Variants in BPTF observed in about 807,000 individuals in gnomAD.
BPTF encodes bromodomain PHD finger transcription factor.
BPTF carries 18 observed loss-of-function variants against 292.5 expected under a neutral mutation model. That is an observed-to-expected ratio of 0.06 (90% CI 0.04 to 0.09). The LOEUF (loss-of-function observed/expected upper bound fraction) is 0.09, where lower values mean the gene tolerates loss of function less well. Among genes scored for constraint, BPTF ranks in the 10% least tolerant of loss-of-function variants. The pLI, the probability that BPTF is intolerant of heterozygous loss-of-function variation, is 1.00. For synonymous variants in BPTF, 1,225 were observed against 1,251.9 expected (o/e 0.98, Z 0.45); for missense variants, 2,726 against 3,498.7 (o/e 0.78, Z 5.57).
Position 67,904,825 on chromosome 17 carries a change from A to C in BPTF, c.2797A>C (p.Lys933Gln). Reference protein sequence around the residue: ...LPGNTNVNYRKSLEGTKNNMD... With the variant: ...LPGNTNVNYRQSLEGTKNNMD... ...AGGCAATACTAATGTGAATTACAGAAAGTCGTTAGAAGGAAGTAAGTAATT... is the reference window on the plus strand; with the variant it reads ...AGGCAATACTAATGTGAATTACAGACAGTCGTTAGAAGGAAGTAAGTAATT... The change falls in exon 9 of 28, where the codon AAG (lysine) becomes CAG (glutamine). Residue 933 changes from lysine to glutamine, a missense_variant. By Grantham distance (53) the Lys-to-Gln change is moderately conservative. This residue lies in a region of BPTF where 713 missense variants were observed against 714.9 expected (regional missense o/e 1.00). Coordinates refer to ENST00000306378, the MANE Select transcript of BPTF (RefSeq NM_182641.4). The C allele has an allele frequency of 6.2e-7, 1 of 1,611,600 alleles. No individual in the cohort carries two copies. Among genetic ancestry groups the C allele is most frequent in the East Asian group, 2.2e-5 (1 of 44,760 alleles).
chr17:67,934,210 A>G (rs1306363940), intron 18 of BPTF, among the ~76,000 whole-genome samples: 1 of 152,120 alleles, frequency 6.6e-6, no homozygotes, highest in Non-Finnish European at 1.5e-5. Flanking sequence ...ATGCTGTAAC[A>G]AGATGTGTTA....
chr17:67,850,447 C>T (rs1598231864), intron 1 of BPTF, among the ~76,000 whole-genome samples: 1 of 152,204 alleles, frequency 6.6e-6, no homozygotes, highest in East Asian at 1.9e-4. Context: ...CGGCTCACTG[C>T]AACCTCCGTC....
rs2067813774 is a variant in BPTF, at chr17:67,964,485, C to T, written c.8454+81C>T. 4 of 1,441,134 alleles carry T rather than the reference C, an allele frequency of 2.8e-6. No homozygotes were observed. In the South Asian group the frequency reaches 4.0e-5, roughly 14 times the overall value. The allele number at this position is 1,441,134 out of a possible 1,614,324, so 89.3% of individuals were successfully genotyped here. Reference sequence around the variant, plus strand: ...AAGCATTTCTAGGATTTCAAGTTTCCAATCTTAGAATGATTATTTACTGAC... The same window carrying T: ...AAGCATTTCTAGGATTTCAAGTTTCTAATCTTAGAATGATTATTTACTGAC... On this transcript the variant is annotated intron_variant, in intron 25 of 27. Coordinates refer to ENST00000306378, the MANE Select transcript of BPTF (RefSeq NM_182641.4).
Position 67,862,902 on chromosome 17 carries a change from A to G in BPTF, c.1437-3562A>G, listed in dbSNP as rs1048695481. 3.9e-4 allele frequency among the ~76,000 whole-genome samples: 58 copies of G among 149,320 alleles called. 1 individual carries two copies. Among genetic ancestry groups the G allele is most frequent in the African/African-American group, 1.4e-3 (55 of 40,376 alleles). On this transcript the variant is annotated intron_variant, in intron 2 of 27. Transcript: ENST00000306378. Reference sequence around the variant, plus strand: ...GCATAATTCCAATCTCCCTGTCACTATCTTTTCAAGGCAGCTTAGGTTTTT... The same window carrying G: ...GCATAATTCCAATCTCCCTGTCACTGTCTTTTCAAGGCAGCTTAGGTTTTT...
At chr17:67,934,542 G>A (rs1031246390) in intron 18 of BPTF, among the ~76,000 whole-genome samples, 24 of 151,126 alleles carry the variant, frequency 1.6e-4, no homozygotes, top group African/African-American at 5.6e-4. Context: ...AAAAGAAAAA[G>A]ATATTAGATA....
intron 27 of BPTF, 153 bp from the exon 28 acceptor site, chr17:67,982,099 T>G: frequency 1.4e-6 from 1 of 722,116 alleles, no homozygotes; most frequent in Non-Finnish European, 2.5e-6. Context: ...AGGTTAAAAT[T>G]TTCTTAATCG....
chr17:67,893,484 G>C lies in BPTF; in HGVS notation c.2170G>C (p.Val724Leu). ...ATTGGGTCAAGAAGGGAAGTATCGC[G>C]TCTACCACAATCAATACTCCACCAA... Reference protein sequence around the residue: ...FKLGQEGKYRVYHNQYSTNSF... With the variant: ...FKLGQEGKYRLYHNQYSTNSF... Residue 724 changes from valine (V) to leucine (L), a missense_variant, in exon 6 of 28, where the codon GTC becomes CTC. By Grantham distance (32) the Val-to-Leu change is conservative (BLOSUM62 1). Coordinates refer to ENST00000306378, the MANE Select transcript of BPTF (RefSeq NM_182641.4). The C allele has an allele frequency of 1.2e-6, 2 of 1,614,008 alleles. No homozygotes were observed. The highest frequency in any genetic ancestry group is 1.7e-6 in the Non-Finnish European group (2 of 1,179,926).
intron 24 of BPTF, among the ~76,000 whole-genome samples, chr17:67,962,109 C>G (rs1417704780): frequency 1.3e-5 from 2 of 150,766 alleles, no homozygotes; most frequent in Non-Finnish European, 3.0e-5. Context: ...TGCCCCTGCT[C>G]TGCAGCCTGG....
chr17:67,906,340 A>G (rs1216093925), intron 9 of BPTF, among the ~76,000 whole-genome samples: 1 of 152,088 alleles, frequency 6.6e-6, no homozygotes, highest in African/African-American at 2.4e-5. Context: ...CGGCCTCCCA[A>G]AGTGCTGGGA....
At chr17:67,939,970 A>G (rs974706282) in intron 18 of BPTF, among the ~76,000 whole-genome samples, 2 of 152,260 alleles carry the variant, frequency 1.3e-5, no homozygotes, top group African/African-American at 4.8e-5. Context: ...CTATCTGTCA[A>G]ATAGCTGTAA....
At chr17:67,834,856 C>T (rs958057001) in intron 1 of BPTF, among the ~76,000 whole-genome samples, 1 of 152,102 alleles carries the variant, frequency 6.6e-6, no homozygotes, top group African/African-American at 2.4e-5. Flanking sequence ...CCTGTGGATT[C>T]TTTTCACGCT....
Position 67,928,388 on chromosome 17 carries a change from G to T in BPTF, c.5785G>T (p.Ala1929Ser). 1 of 1,613,416 alleles carries T rather than the reference G, an allele frequency of 6.2e-7. No homozygotes were observed. Among genetic ancestry groups the T allele is most frequent in the Non-Finnish European group, 8.5e-7 (1 of 1,179,672 alleles). Residue 1929 changes from alanine (A) to serine (S), a missense_variant, in exon 16 of 28, where the codon GCA becomes TCA. Physicochemically the swap from Ala to Ser is moderately conservative, Grantham distance 99. Transcript: ENST00000306378. Reference protein sequence around the residue: ...RLEQQKPTVIATSTTSPTSST... With the variant: ...RLEQQKPTVISTSTTSPTSST... ...GGAGCAGCAGAAGCCGACAGTGATTGCAACTTCCACTACTTCCCCAACAAG... is the reference window on the plus strand; with the variant it reads ...GGAGCAGCAGAAGCCGACAGTGATTTCAACTTCCACTACTTCCCCAACAAG...
chr17:67,867,940 T>G (rs1487962108), intron 3 of BPTF, among the ~76,000 whole-genome samples: 1 of 152,140 alleles, frequency 6.6e-6, no homozygotes, highest in Admixed American at 6.5e-5. Flanking sequence ...CAGCCACACT[T>G]AGCGGGTGAG....
intron 18 of BPTF, among the ~76,000 whole-genome samples, chr17:67,939,216 A>C (rs2065169126): frequency 6.6e-6 from 1 of 152,230 alleles, no homozygotes. Context: ...AACAACAAAA[A>C]GGTGTGGGGG....
At chr17:67,907,240 T>C (rs1432081508) in intron 9 of BPTF, among the ~76,000 whole-genome samples, 2 of 146,898 alleles carry the variant, frequency 1.4e-5, no homozygotes, top group African/African-American at 5.1e-5. Flanking sequence ...ACAGTAGTTC[T>C]GTTTTGGGAG....
chr17:67,924,998 C>T (rs2063753595), intron 15 of BPTF, among the ~76,000 whole-genome samples: 4 of 151,368 alleles, frequency 2.6e-5, no homozygotes, highest in Admixed American at 2.6e-4. Flanking sequence ...ATCCACCTGC[C>T]TCAGCCTCCC....
chr17:67,852,105 TA>T (rs1425015806), intron 1 of BPTF, among the ~76,000 whole-genome samples: 1 of 152,144 alleles, frequency 6.6e-6, no homozygotes, highest in African/African-American at 2.4e-5. Context: ...TGGTTTAATT[TA>T]ATGTCGTTCT....
At chr17:67,969,813 A>C (rs2068563686) in intron 26 of BPTF, among the ~76,000 whole-genome samples, 1 of 151,962 alleles carries the variant, frequency 6.6e-6, no homozygotes, top group South Asian at 2.1e-4. Context: ...AAAACAAAAA[A>C]TGCTCAGGAG....
At chr17:67,829,925 G>A (rs1463044332) in intron 1 of BPTF, among the ~76,000 whole-genome samples, 1 of 152,164 alleles carries the variant, frequency 6.6e-6, no homozygotes, top group African/African-American at 2.4e-5. Flanking sequence ...GTCATGAAAG[G>A]TTTATTCATT....
Sources: gnomAD v4.1 joint callset for allele counts (sites outside exome capture counted in the v4.1 genomes callset) on GRCh38, gnomAD v4.1.1 for gene constraint, gnomAD v4.1.1 regional missense constraint, MANE v1.5 for transcripts, NCBI Gene and HGNC (gene_info 2026-07-23, HGNC 2026-07-21) for gene names.